Variants in NSUN3 observed in about 807,000 individuals in gnomAD.
NSUN3 encodes the protein tRNA (cytosine(34)-C(5))-methyltransferase, mitochondrial.
A neutral mutation model predicts 36.8 loss-of-function variants in NSUN3; 24 were observed. That is an observed-to-expected ratio of 0.65 (90% CI 0.47 to 0.92). NSUN3 has a LOEUF of 0.92. NSUN3 is among the 40% of genes least tolerant of loss of function. The pLI is 0.00. For synonymous variants in NSUN3, 146 were observed against 145.2 expected (o/e 1.01, Z -0.04); for missense variants, 381 against 392.8 (o/e 0.97, Z 0.25).
In NSUN3 at chr3:94,129,323, T is replaced by TA. The variant is rs561828699; in HGVS notation, c.*2839dup. 1.2e-4 allele frequency among the ~76,000 whole-genome samples: 19 copies of TA among 152,310 alleles called. No homozygotes were observed. Among genetic ancestry groups the TA allele is most frequent in the South Asian group, 6.2e-4 (3 of 4,826 alleles). ...TACCTCGTGTAATATTACACAGTGA[T>TA]AAAAAAGAATGAAATAATGTCTTTT... is the stretch of plus-strand genomic sequence containing the variant. On this transcript the variant is annotated 3_prime_UTR_variant, in exon 6 of 6. Coordinates refer to ENST00000314622, the MANE Select transcript of NSUN3 (RefSeq NM_022072.5).
intron 2 of NSUN3, among the ~76,000 whole-genome samples, chr3:94,064,772 G>A (rs530090705): frequency 3.3e-5 from 5 of 152,108 alleles, no homozygotes; most frequent in Non-Finnish European, 7.4e-5. Flanking sequence ...AAATTGTTAC[G>A]CCTTTGCTTT....
At position 94,129,393 on chromosome 3, in the gene NSUN3, C is replaced by G. The variant is rs548681324; in HGVS notation, c.*2903C>G. 6.6e-6 allele frequency among the ~76,000 whole-genome samples: 1 copy of G among 152,230 alleles called. No homozygotes were observed. Among genetic ancestry groups the G allele is most frequent in the African/African-American group, 2.4e-5 (1 of 41,538 alleles). On this transcript the variant is annotated 3_prime_UTR_variant, in exon 6 of 6. Coordinates refer to ENST00000314622, the MANE Select transcript of NSUN3 (RefSeq NM_022072.5). The stretch of plus-strand genomic sequence containing the variant: ...TGGATGCTTTTATCCTAAGCAAATT[C>G]AGGAACAGAAAACTAAATACATATT...
At chr3:94,069,485 G>T (rs1179967715) in intron 2 of NSUN3, among the ~76,000 whole-genome samples, 1 of 152,076 alleles carries the variant, frequency 6.6e-6, no homozygotes, top group African/African-American at 2.4e-5. Context: ...ATTTAAATAG[G>T]TTCTGTAATC....
At chr3:94,063,235 AC>A (rs2077188713) in intron 1 of NSUN3, 97 bp downstream of exon 1, 21 of 1,208,304 alleles carry the variant, frequency 1.7e-5, no homozygotes, top group Non-Finnish European at 2.5e-5. Context: ...GGGGAACATC[AC>A]CTTTGTTCGT....
rs921747856 is a variant in NSUN3 at position 94,128,973 on chromosome 3, A to G, written c.*2483A>G. Among the ~76,000 whole-genome samples the G allele has an allele frequency of 4.6e-5, 7 of 152,230 alleles. No individual in the cohort carries two copies. Among genetic ancestry groups the G allele is most frequent in the African/African-American group, 1.7e-4 (7 of 41,460 alleles). ...TTTTACACCAGTCAGAATGGCTATTATTAAAAAGTCAATAAAATAAAAAAT... is the reference window on the plus strand; with the variant it reads ...TTTTACACCAGTCAGAATGGCTATTGTTAAAAAGTCAATAAAATAAAAAAT... On this transcript the variant is annotated 3_prime_UTR_variant, in exon 6 of 6. Transcript: ENST00000314622.
rs1175350119 is a variant in NSUN3, at chr3:94,128,553, A to ATG, written c.*2063_*2064insTG. ...CCTATGATTACTGAAAAATGGATGC[A>ATG]CGTGTGTGTGTGTGTGTGTGTGTGT... is the stretch of plus-strand genomic sequence containing the variant. On this transcript the variant is annotated 3_prime_UTR_variant, in exon 6 of 6. Transcript: ENST00000314622. The ATG allele has an allele frequency of 4.7e-5, 5 of 106,880 alleles. No homozygotes were observed. The highest frequency in any genetic ancestry group is 1.4e-4 in the African/African-American group (4 of 28,942). 6.6% of individuals were successfully genotyped at this position (106,880 alleles called of 1,614,324 possible). A position where few individuals can be genotyped will look rare whatever the true frequency, so the allele number is the denominator to read the frequency against.
chr3:94,104,346 A>G (rs1335131804), intron 5 of NSUN3, among the ~76,000 whole-genome samples: 1 of 152,172 alleles, frequency 6.6e-6, no homozygotes, highest in African/African-American at 2.4e-5. Context: ...TTATTATTAA[A>G]TAGTAAAGCT....
At chr3:94,118,038 A>G (rs767097070) in intron 5 of NSUN3, among the ~76,000 whole-genome samples, 14 of 152,196 alleles carry the variant, frequency 9.2e-5, no homozygotes, top group Non-Finnish European at 1.6e-4. Context: ...TGGTACAGGA[A>G]GGAAATTGTA....
At chr3:94,076,600 T>G in intron 2 of NSUN3, 1 of 886,880 alleles carries the variant, frequency 1.1e-6, no homozygotes, top group East Asian at 2.4e-5. Context: ...AAGCACTAAG[T>G]AAGTGCCCAC....
intron 5 of NSUN3, among the ~76,000 whole-genome samples, chr3:94,113,161 G>T (rs1300447782): frequency 1.3e-5 from 2 of 152,134 alleles, no homozygotes; most frequent in Admixed American, 6.5e-5. Context: ...ACCGCACCCG[G>T]CCCAAGAATA....
intron 5 of NSUN3, among the ~76,000 whole-genome samples, chr3:94,097,730 C>A (rs1277020997): frequency 6.6e-6 from 1 of 152,172 alleles, no homozygotes; most frequent in Non-Finnish European, 1.5e-5. Context: ...CTTCCCTTGA[C>A]ATTTGTGATC....
intron 2 of NSUN3, among the ~76,000 whole-genome samples, chr3:94,074,410 A>G (rs1250380762): frequency 1.3e-5 from 2 of 152,066 alleles, no homozygotes; most frequent in Admixed American, 6.6e-5. Context: ...GGCCATTTTC[A>G]CTGTATTGAT....
At chr3:94,089,678 GAC>G (rs1209729867) in intron 3 of NSUN3, among the ~76,000 whole-genome samples, 7 of 152,212 alleles carry the variant, frequency 4.6e-5, no homozygotes, top group African/African-American at 1.7e-4. Context: ...AGGGGTGCAA[GAC>G]ACCGGAAGTG....
At chr3:94,096,094 A>G (rs2077338216) in intron 5 of NSUN3, among the ~76,000 whole-genome samples, 1 of 152,132 alleles carries the variant, frequency 6.6e-6, no homozygotes, top group African/African-American at 2.4e-5. Context: ...TTAAAATACA[A>G]TTAAATGGTG....
chr3:94,117,160 G>A (rs1033971440), intron 5 of NSUN3, among the ~76,000 whole-genome samples: 29 of 151,796 alleles, frequency 1.9e-4, no homozygotes, highest in African/African-American at 6.0e-4. Context: ...CACCACACTC[G>A]GCTAATTTCT....
chr3:94,109,315 T>C (rs2077406187), intron 5 of NSUN3, among the ~76,000 whole-genome samples: 1 of 152,214 alleles, frequency 6.6e-6, no homozygotes, highest in Non-Finnish European at 1.5e-5. Flanking sequence ...TTCCTTGATT[T>C]GGTAGTTAAT....
chr3:94,083,770 C>T (rs747611698), intron 2 of NSUN3, among the ~76,000 whole-genome samples: 4 of 152,076 alleles, frequency 2.6e-5, no homozygotes, highest in African/African-American at 4.8e-5. Flanking sequence ...ATTTAGTTCT[C>T]GGAAGTCAGT....
chr3:94,094,052 A>T, intron 3 of NSUN3, 88 bp from the exon 4 acceptor site: 1 of 930,366 alleles, frequency 1.1e-6, no homozygotes, highest in Non-Finnish European at 1.6e-6. Flanking sequence ...ATGATGAGTT[A>T]ATTTCTTTCT....
intron 5 of NSUN3, among the ~76,000 whole-genome samples, chr3:94,115,101 G>A (rs1406499170): frequency 6.6e-6 from 1 of 152,094 alleles, no homozygotes; most frequent in Non-Finnish European, 1.5e-5. Flanking sequence ...TAAAAAGACT[G>A]TAGTTTTCAT....
Sources: gnomAD v4.1 joint callset for allele counts (sites outside exome capture counted in the v4.1 genomes callset) on GRCh38, gnomAD v4.1.1 for gene constraint, MANE v1.5 for transcripts, NCBI Gene and HGNC (gene_info 2026-07-23, HGNC 2026-07-21) for gene names.